Variants in GRIN2D observed in about 807,000 individuals in gnomAD.
GRIN2D encodes glutamate receptor ionotropic, NMDA 2D.
Under a neutral mutation model 103.2 loss-of-function variants are expected in GRIN2D, and 37 were observed. The ratio of observed to expected loss-of-function variants is 0.36; its 90% CI spans 0.28 to 0.47. The LOEUF is 0.47. Ranked by LOEUF, GRIN2D falls within the 20% of genes least tolerant of loss-of-function variation. GRIN2D has a pLI of 1.00. For missense variants in GRIN2D, 1,557 were observed against 1,910.6 expected, an observed-to-expected ratio of 0.81 and a Z score of 3.45; for synonymous variants, 845 against 885.6, an observed-to-expected ratio of 0.95 and a Z score of 0.81.
In GRIN2D at chr19:48,405,271, C is replaced by T. The variant is rs769489288; in HGVS notation, c.1003C>T (p.Leu335=). 1.2e-6 allele frequency: 2 copies of T among 1,600,392 alleles called. No individual in the cohort carries two copies. The highest frequency in any genetic ancestry group is 1.7e-6 in the Non-Finnish European group (2 of 1,177,946). The change falls in exon 4 of 14, where the codon CTG becomes TTG. Residue 335 remains leucine, a synonymous_variant. Coordinates refer to ENST00000263269, the MANE Select transcript of GRIN2D (RefSeq NM_000836.4). The surrounding 1 kb of genome is among the most constrained non-coding windows in gnomAD (Gnocchi z 5.1). ...AGTGGCCAGAGGTGCCCAGGCCCTG[C>T]TGCGTGATTATGGTTTCCTTCCTGA... ...AVVARGAQAL[L]RDYGFLPELG... is the part of the protein sequence containing the mutation.
Position 48,442,002 on chromosome 19 carries a change from AG to A in GRIN2D, c.2440+48del. The A allele has an allele frequency of 6.4e-7, 1 of 1,556,272 alleles. No homozygotes were observed. Among genetic ancestry groups the A allele is most frequent in the Non-Finnish European group, 8.7e-7 (1 of 1,144,322 alleles). ...TTCCACAGCGGAGAGGGGGAGGGCGAGGCCCCTGGGTTCCGGGGAAGAAAGG... is the reference window on the plus strand; with the variant it reads ...TTCCACAGCGGAGAGGGGGAGGGCGAGCCCCTGGGTTCCGGGGAAGAAAGG... On this transcript the variant is annotated intron_variant, in intron 12 of 13. Coordinates refer to ENST00000263269, the MANE Select transcript of GRIN2D (RefSeq NM_000836.4). The surrounding 1 kb of genome is among the most constrained non-coding windows in gnomAD (Gnocchi z 7.2).
intron 11 of GRIN2D, among the ~76,000 whole-genome samples, chr19:48,425,123 C>T (rs1019072435): frequency 6.6e-6 from 1 of 151,420 alleles, no homozygotes; most frequent in African/African-American, 2.4e-5. Context: ...GCAGGGATGG[C>T]TGCAAACAGA....
intron 8 of GRIN2D, among the ~76,000 whole-genome samples, chr19:48,417,451 T>G (rs944172746): frequency 1.3e-5 from 2 of 152,136 alleles, no homozygotes; most frequent in Non-Finnish European, 2.9e-5. Flanking sequence ...TGGAGAAGCG[T>G]ACATCGGCCA....
chr19:48,415,402 C>T (rs1331766601), intron 7 of GRIN2D, among the ~76,000 whole-genome samples: 5 of 150,602 alleles, frequency 3.3e-5, no homozygotes, highest in Non-Finnish European at 3.0e-5. Context: ...GAGGTCGGCA[C>T]CCTGGGGCAG....
intron 2 of GRIN2D, among the ~76,000 whole-genome samples, chr19:48,396,805 G>A (rs1034304466): frequency 2.0e-5 from 3 of 152,028 alleles, no homozygotes; most frequent in Admixed American, 1.3e-4. Context: ...GGTGGACGAG[G>A]CCTGCGCTAC....
Position 48,414,378 on chromosome 19 carries a change from C to T in GRIN2D, c.1206C>T (p.Gly402=). 1 of 1,603,482 alleles carries T rather than the reference C, an allele frequency of 6.2e-7. No individual in the cohort carries two copies. Among genetic ancestry groups the T allele is most frequent in the South Asian group, 1.1e-5 (1 of 89,398 alleles). Residue 402 remains glycine, a synonymous_variant, in exon 6 of 14, where the codon GGC becomes GGT. Transcript: ENST00000263269. The surrounding 1 kb of genome is among the most constrained non-coding windows in gnomAD (Gnocchi z 4.6). ...TCTCTTTCCCTTTGGCCAAGGTGGG[C>T]AGCTGGGAGCAGCAGACGCTCCGCC... ...LTRDRTWEVV[G]SWEQQTLRLK... is the part of the protein sequence containing the mutation.
intron 4 of GRIN2D, among the ~76,000 whole-genome samples, chr19:48,408,837 GAGAA>G (rs1264472582): frequency 6.8e-6 from 1 of 147,770 alleles, no homozygotes; most frequent in Non-Finnish European, 1.5e-5. Flanking sequence ...AAAAAAAAGA[GAGAA>G]AGAAAGAAAT....
At position 48,405,019 on chromosome 19, in the gene GRIN2D, G is replaced by A; in HGVS notation, c.751G>A (p.Glu251Lys). 6.2e-7 allele frequency: 1 copy of A among 1,612,232 alleles called. No individual in the cohort carries two copies. The highest frequency in any genetic ancestry group is 8.5e-7 in the Non-Finnish European group (1 of 1,179,404). ...GATCCGCCTGCTCTTCTGCGCCCGA[G>A]AGGAGGCCGAGCCCGTGTTCCGCGC... Reference protein sequence around the residue: ...AQIRLLFCAREEAEPVFRAAE... With the variant: ...AQIRLLFCARKEAEPVFRAAE... The change falls in exon 4 of 14, where the codon GAG (glutamate) becomes AAG (lysine). Residue 251 changes from glutamate (E) to lysine (K), a missense_variant. Coordinates refer to ENST00000263269, the MANE Select transcript of GRIN2D (RefSeq NM_000836.4). The surrounding 1 kb of genome is among the most constrained non-coding windows in gnomAD (Gnocchi z 5.1).
chr19:48,395,444 C>A (rs1231243473), intron 2 of GRIN2D, among the ~76,000 whole-genome samples: 2 of 152,014 alleles, frequency 1.3e-5, no homozygotes, highest in Non-Finnish European at 2.9e-5. Flanking sequence ...TCTGGAACAC[C>A]CTTCCAGCCT....
rs1205790798 is a variant in GRIN2D at position 48,414,782 on chromosome 19, A to G, written c.1413-82A>G. ...CTAACCATAGTTTTAGCTGCCGCCT[A>G]TCCCTTCCTCCATATCCTCTCTTCA... On this transcript the variant is annotated intron_variant, in intron 6 of 13. Coordinates refer to ENST00000263269, the MANE Select transcript of GRIN2D (RefSeq NM_000836.4). This position sits in a 1 kb window ranked among gnomAD's most constrained non-coding sequence, Gnocchi z 4.6. 1.4e-6 allele frequency: 2 copies of G among 1,462,250 alleles called. No homozygotes were observed. Among genetic ancestry groups the G allele is most frequent in the South Asian group, 2.4e-5 (2 of 81,982 alleles). 90.6% of individuals were successfully genotyped at this position (1,462,250 alleles called of 1,614,324 possible).
At chr19:48,418,742 G>A (rs1013393153) in intron 8 of GRIN2D, among the ~76,000 whole-genome samples, 7 of 152,054 alleles carry the variant, frequency 4.6e-5, no homozygotes, top group African/African-American at 7.2e-5. Flanking sequence ...CATGAGGAGC[G>A]TGGGAGCTGG....
chr19:48,419,004 G>T (rs1970980716), intron 8 of GRIN2D, among the ~76,000 whole-genome samples: 1 of 151,694 alleles, frequency 6.6e-6, no homozygotes, highest in African/African-American at 2.4e-5. Flanking sequence ...GCTGCACCTT[G>T]TTCCCTGCTG....
intron 3 of GRIN2D, among the ~76,000 whole-genome samples, chr19:48,401,095 A>C (rs1423566612): frequency 6.6e-6 from 1 of 151,826 alleles, no homozygotes; most frequent in Non-Finnish European, 1.5e-5. Flanking sequence ...AAAAAAAAAA[A>C]AACAATAAAC....
At chr19:48,439,227 A>G (rs1324100137) in intron 11 of GRIN2D, among the ~76,000 whole-genome samples, 1 of 150,828 alleles carries the variant, frequency 6.6e-6, no homozygotes, top group African/African-American at 2.4e-5. Context: ...CATCTCTAAA[A>G]ACAAACAAAC....
chr19:48,419,806 G>T lies in GRIN2D; in HGVS notation c.2083G>T (p.Asp695Tyr). ...CGTGGATACTGTGTCTGGGCTCAGTGACCGCAAGGTGTGTGTGGGCCCAGG... is the reference window on the plus strand; with the variant it reads ...CGTGGATACTGTGTCTGGGCTCAGTTACCGCAAGGTGTGTGTGGGCCCAGG... ...EYVDTVSGLS[D>Y]RKFQRPQEQY... is the part of the protein sequence containing the mutation. Residue 695 changes from aspartate to tyrosine, a missense_variant, in exon 10 of 14, where the codon GAC (aspartate) becomes TAC (tyrosine). Physicochemically the swap from Asp to Tyr is radical, Grantham distance 160. Around this residue, in one of 7 missense-constraint regions of GRIN2D, gnomAD observed 138 missense variants for 270.2 expected, o/e 0.51. Transcript: ENST00000263269. 1 of 1,610,986 alleles carries T rather than the reference G, an allele frequency of 6.2e-7. No individual in the cohort carries two copies. The highest frequency in any genetic ancestry group is 1.1e-5 in the South Asian group (1 of 90,970).
Position 48,444,249 on chromosome 19 carries a change from C to T in GRIN2D, c.*312C>T, listed in dbSNP as rs1971353576. ...GGAGGTGGGGGGTTCACGCCACTCC[C>T]GCGTCCCACCTCCACGCCCGGGGCC... On this transcript the variant is annotated 3_prime_UTR_variant, in exon 14 of 14. Transcript: ENST00000263269. This position sits in a 1 kb window ranked among gnomAD's most constrained non-coding sequence, Gnocchi z 5.5. 1 of 250,134 alleles carries T rather than the reference C, an allele frequency of 4.0e-6. No individual in the cohort carries two copies. 15.5% of individuals were successfully genotyped at this position (250,134 alleles called of 1,614,324 possible).
intron 11 of GRIN2D, among the ~76,000 whole-genome samples, chr19:48,435,923 A>C (rs1423252108): frequency 1.3e-5 from 2 of 152,242 alleles, no homozygotes; most frequent in Non-Finnish European, 2.9e-5. Flanking sequence ...CCAAGGGGAT[A>C]CGCGCTATGG....
In GRIN2D at chr19:48,443,877, C is replaced by T. The variant is rs1290123738; in HGVS notation, c.3951C>T (p.Gly1317=). The T allele has an allele frequency of 2.0e-6, 3 of 1,477,138 alleles. No individual in the cohort carries two copies. Among genetic ancestry groups the T allele is most frequent in the African/African-American group, 2.9e-5 (2 of 67,972 alleles). The allele number at this position is 1,477,138 out of a possible 1,614,324, so 91.5% of individuals were successfully genotyped here. ...CAGCTTCCCACCGGAGACACCGGGG[C>T]GGGGACCTGGGCACCCGCAGGGGCT... ...LPTASHRRHR[G]GDLGTRRGSA... is the part of the protein sequence containing the mutation. The change falls in exon 14 of 14, where the codon GGC becomes GGT. Residue 1317 remains glycine (G), a synonymous_variant. Coordinates refer to ENST00000263269, the MANE Select transcript of GRIN2D (RefSeq NM_000836.4). This position sits in a 1 kb window ranked among gnomAD's most constrained non-coding sequence, Gnocchi z 8.9.
At position 48,404,888 on chromosome 19, in the gene GRIN2D, T is replaced by C; in HGVS notation, c.620T>C (p.Leu207Pro). Residue 207 changes from leucine to proline, a missense_variant, in exon 4 of 14, where the codon CTG becomes CCG. Physicochemically the swap from Leu to Pro is moderately conservative, Grantham distance 98. Around this residue, in one of 7 missense-constraint regions of GRIN2D, gnomAD observed 490 missense variants for 601.1 expected, o/e 0.82. Transcript: ENST00000263269. ...HRAFLSYIEVLTDGSLVGWEH... is the reference protein window; with the variant it reads ...HRAFLSYIEVPTDGSLVGWEH... ...GCCTTCCTGTCCTACATTGAGGTGC[T>C]GACTGACGGTAGTCTGGTGGGCTGG... is the stretch of plus-strand genomic sequence containing the variant. The C allele has an allele frequency of 6.2e-7, 1 of 1,614,200 alleles. No individual in the cohort carries two copies. Among genetic ancestry groups the C allele is most frequent in the Non-Finnish European group, 8.5e-7 (1 of 1,180,038 alleles).
Sources: allele counts gnomAD v4.1 joint callset (sites outside exome capture counted in the v4.1 genomes callset), GRCh38; gene constraint gnomAD v4.1.1; regional missense constraint gnomAD v4.1.1; non-coding constraint Gnocchi (gnomAD v3.1); transcripts MANE v1.5; gene names NCBI Gene and HGNC (gene_info 2026-07-23, HGNC 2026-07-21).